COPG2: variants seen among roughly 807,000 people sequenced by gnomAD.
COPG2 encodes the protein coat protein complex I subunit gamma 2.
A neutral mutation model predicts 46.3 loss-of-function variants in COPG2; 37 were observed. That is an observed-to-expected ratio of 0.80 (90% confidence interval 0.61 to 1.05). The LOEUF (loss-of-function observed/expected upper bound fraction) is 1.05. Ranked by LOEUF, COPG2 falls within the 50% of genes least tolerant of loss-of-function variation. The probability of loss-of-function intolerance (pLI) is 0.00; values close to 1 mark genes in which losing one functional copy is unlikely to be tolerated. For missense variants in COPG2, 427 were observed against 387.8 expected, an observed-to-expected ratio of 1.10 and a Z score of -0.85; for synonymous variants, 159 against 129.7, an observed-to-expected ratio of 1.23 and a Z score of -1.53.
intron 9 of COPG2, among the ~76,000 whole-genome samples, chr7:130,580,206 C>T (rs1794105570): frequency 6.6e-6 from 1 of 152,140 alleles, no homozygotes; most frequent in Admixed American, 6.6e-5. Flanking sequence ...CAAAACCACT[C>T]AACTACATAG....
At chr7:130,511,259 T>G (rs1584958770) in intron 20 of COPG2, among the ~76,000 whole-genome samples, 1 of 151,860 alleles carries the variant, frequency 6.6e-6, no homozygotes, top group African/African-American at 2.4e-5. Context: ...TTTGTTAGAA[T>G]AATAATTAAA....
intron 5 of COPG2, among the ~76,000 whole-genome samples, chr7:130,626,419 T>TTC (rs1795120666): frequency 1.4e-5 from 2 of 147,222 alleles, no homozygotes; most frequent in African/African-American, 5.1e-5. Flanking sequence ...TTTTTTTTTT[T>TTC]TTCTATTTTT....
In COPG2 at chr7:130,507,370, C is replaced by T. The variant is rs1554440318; in HGVS notation, c.2389G>A (p.Ala797Thr). 2.6e-6 allele frequency: 2 copies of T among 780,552 alleles called. No homozygotes were observed. The allele number at this position is 780,552 out of a possible 1,614,324, so 48.4% of individuals were successfully genotyped here. A position where few individuals can be genotyped will look rare whatever the true frequency, so the allele number is the denominator to read the frequency against. The change falls in exon 23 of 24, where the codon GCT becomes ACT. Residue 797 changes from alanine to threonine, a missense_variant and splice_region_variant. Ala to Thr is a moderately conservative substitution (Grantham distance 58). Coordinates refer to ENST00000425248, the MANE Select transcript of COPG2 (RefSeq NM_012133.6). ...ALSSTKTLEE[A>T]VNNIITFLGM... Reference sequence around the variant, plus strand: ...AGAAATGTGATGATATTGTTGACAGCCTCTGTGTTGAGAAGATGTATGAGA... The same window carrying T: ...AGAAATGTGATGATATTGTTGACAGTCTCTGTGTTGAGAAGATGTATGAGA...
chr7:130,509,026 A>C (rs782016820), intron 20 of COPG2: 3 of 461,922 alleles, frequency 6.5e-6, no homozygotes, highest in Non-Finnish European at 8.5e-6. Context: ...GTAGGACCTG[A>C]CCAAAAAAAA....
intron 4 of COPG2, among the ~76,000 whole-genome samples, chr7:130,655,917 G>A (rs1181694927): frequency 2.0e-5 from 3 of 152,008 alleles, no homozygotes; most frequent in Admixed American, 1.3e-4. Context: ...CAAAATAAAT[G>A]GCAATTTATC....
At chr7:130,584,783 C>A (rs558823585) in intron 9 of COPG2, among the ~76,000 whole-genome samples, 3 of 151,950 alleles carry the variant, frequency 2.0e-5, no homozygotes, top group Non-Finnish European at 4.4e-5. Flanking sequence ...AGGAAAACTA[C>A]AAAACACTGC....
intron 20 of COPG2, among the ~76,000 whole-genome samples, chr7:130,533,580 G>C (rs1799849873): frequency 6.6e-6 from 1 of 152,130 alleles, no homozygotes; most frequent in African/African-American, 2.4e-5. Context: ...GAGGAAACCA[G>C]TGTCTCCCTA....
intron 5 of COPG2, among the ~76,000 whole-genome samples, chr7:130,629,464 G>A (rs113701263): frequency 0.15 from 21,965 of 147,600 alleles, 2,113 homozygotes; most frequent in Middle Eastern, 0.24. Context: ...GTGTGATCTC[G>A]GCTCACTGCA....
intron 20 of COPG2, among the ~76,000 whole-genome samples, chr7:130,513,326 T>A (rs1554441304): frequency 1.8e-4 from 12 of 65,632 alleles, no homozygotes; most frequent in East Asian, 1.5e-3. Flanking sequence ...TATATATATA[T>A]ATATATATAT....
chr7:130,600,168 T>C (rs1317974894), intron 9 of COPG2, among the ~76,000 whole-genome samples: 1 of 152,234 alleles, frequency 6.6e-6, no homozygotes, highest in Non-Finnish European at 1.5e-5. Context: ...TTTGAAACTA[T>C]ATATTGTTAA....
chr7:130,528,815 T>G lies in COPG2; in HGVS notation c.2149+18859A>C, dbSNP rs898665583. Among the ~76,000 whole-genome samples the G allele has an allele frequency of 9.3e-4, 141 of 151,406 alleles. No individual in the cohort carries two copies. In the East Asian group the frequency reaches 0.023, roughly 24 times the overall value. On this transcript the variant is annotated intron_variant, in intron 20 of 23. Transcript: ENST00000425248. ...TGAGAGCAGGAGGGATGCGCTGCAG[T>G]AAAGGAGGCATGCCAGGCGCCAAGA...
In COPG2 at chr7:130,550,411, C is replaced by CAAAAA. The variant is rs1158918044; in HGVS notation, c.1774+108_1774+112dup. On this transcript the variant is annotated intron_variant, in intron 17 of 23. Coordinates refer to ENST00000425248, the MANE Select transcript of COPG2 (RefSeq NM_012133.6). ...GTGCGACGGGAGTGAGACTCTATCT[C>CAAAAA]AAAAAAAAAAAAAAAAAAAAAGAGT... The CAAAAA allele has an allele frequency of 1.0e-3, 104 of 104,430 alleles. 2 individuals carry two copies. The highest frequency in any genetic ancestry group is 4.1e-3 in the Middle Eastern group (1 of 244). The allele number at this position is 104,430 out of a possible 1,614,324, so 6.5% of individuals were successfully genotyped here. A position where few individuals can be genotyped will look rare whatever the true frequency, so the allele number is the denominator to read the frequency against.
At chr7:130,510,814 G>C (rs1253105227) in intron 20 of COPG2, 5 of 458,158 alleles carry the variant, frequency 1.1e-5, no homozygotes, top group Non-Finnish European at 2.2e-5. Context: ...GAAGCTGCTG[G>C]AGAGGATGAC....
At chr7:130,630,701 ACC>A (rs1795211664) in intron 5 of COPG2, among the ~76,000 whole-genome samples, 1 of 152,110 alleles carries the variant, frequency 6.6e-6, no homozygotes, top group South Asian at 2.1e-4. Context: ...TGGTAAGCTG[ACC>A]CCTTTATCCC....
At chr7:130,518,149 A>T (rs1380554808) in intron 20 of COPG2, among the ~76,000 whole-genome samples, 3 of 152,216 alleles carry the variant, frequency 2.0e-5, no homozygotes, top group Non-Finnish European at 2.9e-5. Context: ...TATCAGATTC[A>T]TGTAGTGATT....
chr7:130,607,641 G>C (rs1794759744), intron 9 of COPG2: 1 of 512,508 alleles, frequency 2.0e-6, no homozygotes, highest in African/African-American at 1.9e-5. Context: ...TAGTTCAGTT[G>C]GTCAGCCAGT....
chr7:130,578,102 G>A (rs1794048912), intron 9 of COPG2, among the ~76,000 whole-genome samples: 1 of 152,040 alleles, frequency 6.6e-6, no homozygotes, highest in Non-Finnish European at 1.5e-5. Flanking sequence ...GTCCCTGTCT[G>A]ACAGCTTTGA....
chr7:130,626,567 A>G (rs554421644), intron 5 of COPG2, among the ~76,000 whole-genome samples: 2 of 152,230 alleles, frequency 1.3e-5, no homozygotes, highest in South Asian at 2.1e-4. Flanking sequence ...CTCTTAGTCT[A>G]TAAGAGAGAG....
chr7:130,591,728 G>C (rs1332090458), intron 9 of COPG2, among the ~76,000 whole-genome samples: 3 of 141,406 alleles, frequency 2.1e-5, no homozygotes, highest in Non-Finnish European at 4.6e-5. Context: ...GGAAGGAGGT[G>C]GGGGGGTCAG....
Sources: gnomAD v4.1 joint callset for allele counts (sites outside exome capture counted in the v4.1 genomes callset) on GRCh38, gnomAD v4.1.1 for gene constraint, MANE v1.5 for transcripts, NCBI Gene and HGNC (gene_info 2026-07-23, HGNC 2026-07-21) for gene names.